Variants in CCSER1 observed in about 807,000 individuals in gnomAD.
CCSER1 encodes the protein coiled-coil serine rich protein 1.
CCSER1 carries 41 observed loss-of-function variants against 82.0 expected under a neutral mutation model. The ratio of observed to expected loss-of-function variants is 0.50; its 90% CI spans 0.39 to 0.65. The LOEUF (loss-of-function observed/expected upper bound fraction) is 0.65, where lower values mean the gene tolerates loss of function less well. Among genes scored for constraint, CCSER1 ranks in the 30% least tolerant of loss-of-function variants. CCSER1 has a pLI of 0.00. For synonymous variants in CCSER1, 414 were observed against 383.9 expected, an observed-to-expected ratio of 1.08 and a Z score of -0.92; for missense variants, 1,119 against 1,064.2, an observed-to-expected ratio of 1.05 and a Z score of -0.72.
At chr4:90,315,703 C>T (rs1736052986) in intron 3 of CCSER1, among the ~76,000 whole-genome samples, 2 of 152,044 alleles carry the variant, frequency 1.3e-5, no homozygotes, top group South Asian at 4.1e-4. Flanking sequence ...GTGGTTTCAC[C>T]ATGTTGGCCT....
At chr4:91,094,545 A>T (rs1035681070) in intron 10 of CCSER1, among the ~76,000 whole-genome samples, 3 of 152,178 alleles carry the variant, frequency 2.0e-5, no homozygotes, top group Non-Finnish European at 2.9e-5. Flanking sequence ...GGGGTGTTCC[A>T]TGGAGATTGT....
chr4:90,742,946 TA>T (rs1322041405), intron 7 of CCSER1, among the ~76,000 whole-genome samples: 2 of 152,204 alleles, frequency 1.3e-5, no homozygotes, highest in Admixed American at 6.5e-5. Context: ...TTGATTTTTT[TA>T]AGATATAAAT....
chr4:90,619,448 T>TA lies in CCSER1; in HGVS notation c.1725-8569dup, dbSNP rs569794064. Among the ~76,000 whole-genome samples the TA allele has an allele frequency of 1.2e-3, 181 of 152,024 alleles. No individual in the cohort carries two copies. In the Middle Eastern group the frequency reaches 0.014, roughly 11 times the overall value. ...GGGCTAAGGAGAAATAATTTTAGAT[T>TA]AAAAAAAATTTGTTTGATACCTCTT... On this transcript the variant is annotated intron_variant, in intron 5 of 10. Transcript: ENST00000509176.
At chr4:90,436,010 CTTGT>C (rs1381372282) in intron 4 of CCSER1, among the ~76,000 whole-genome samples, 2 of 151,836 alleles carry the variant, frequency 1.3e-5, no homozygotes, top group Non-Finnish European at 2.9e-5. Context: ...ATGTTCCCAA[CTTGT>C]TTAAGTCAAA....
chr4:91,405,729 C>T (rs1422725164), intron 10 of CCSER1, among the ~76,000 whole-genome samples: 1 of 152,270 alleles, frequency 6.6e-6, no homozygotes, highest in Admixed American at 6.5e-5. Flanking sequence ...GTTGGAAAAG[C>T]ACAGTATTAG....
At chr4:90,465,797 T>C (rs1246199203) in intron 4 of CCSER1, among the ~76,000 whole-genome samples, 2 of 152,198 alleles carry the variant, frequency 1.3e-5, no homozygotes, top group Non-Finnish European at 2.9e-5. Flanking sequence ...TAAAGAAGTT[T>C]GTACTTTATA....
At chr4:90,872,336 CTTGCTTTTTATTATTTG>C (rs1360433760) in intron 8 of CCSER1, among the ~76,000 whole-genome samples, 5 of 151,486 alleles carry the variant, frequency 3.3e-5, no homozygotes, top group Non-Finnish European at 7.4e-5. Flanking sequence ...GATTACATTT[CTTGCTTTTTATTATTTG>C]TGTATCGATT....
chr4:91,280,399 G>C (rs1377891759), intron 10 of CCSER1, among the ~76,000 whole-genome samples: 1 of 152,162 alleles, frequency 6.6e-6, no homozygotes, highest in Admixed American at 6.5e-5. Context: ...TGATTGCAGT[G>C]GACTGGATGG....
intron 3 of CCSER1, among the ~76,000 whole-genome samples, chr4:90,381,750 A>G (rs1308246457): frequency 6.6e-6 from 1 of 152,116 alleles, no homozygotes; most frequent in African/African-American, 2.4e-5. Flanking sequence ...CAGAGGAAAA[A>G]ATGATTTACA....
At chr4:90,769,489 C>G (rs1751756496) in intron 7 of CCSER1, among the ~76,000 whole-genome samples, 1 of 152,144 alleles carries the variant, frequency 6.6e-6, no homozygotes, top group African/African-American at 2.4e-5. Context: ...AGTCTTTTGA[C>G]CTTATTAAGT....
At chr4:90,296,004 TA>T (rs199994905) in intron 1 of CCSER1, among the ~76,000 whole-genome samples, 17 of 151,144 alleles carry the variant, frequency 1.1e-4, no homozygotes, top group South Asian at 1.1e-3. Flanking sequence ...GATATAATTA[TA>T]AAAAAAAACA....
At chr4:90,235,435 C>CT (rs1339150808) in intron 1 of CCSER1, 17 of 152,314 alleles carry the variant, frequency 1.1e-4, no homozygotes, top group Admixed American at 3.3e-4. Context: ...TCTGAGATTT[C>CT]TTTTCCCATA....
At chr4:90,452,226 G>T (rs74371027) in intron 4 of CCSER1, among the ~76,000 whole-genome samples, 1 of 152,060 alleles carries the variant, frequency 6.6e-6, no homozygotes, top group South Asian at 2.1e-4. Context: ...GGTCCTCTCC[G>T]GCTGCATAGG....
chr4:91,059,476 A>ATAG, intron 9 of CCSER1, among the ~76,000 whole-genome samples: 1 of 110,114 alleles, frequency 9.1e-6, no homozygotes, highest in East Asian at 3.6e-4. Context: ...TATATATATA[A>ATAG]GTCTCCAAAA....
At chr4:91,299,221 A>T (rs1179920521) in intron 10 of CCSER1, among the ~76,000 whole-genome samples, 1 of 152,016 alleles carries the variant, frequency 6.6e-6, no homozygotes, top group African/African-American at 2.4e-5. Flanking sequence ...AAATTTGATG[A>T]GATTACACTG....
At chr4:91,139,347 C>T (rs186089620) in intron 10 of CCSER1, among the ~76,000 whole-genome samples, 12 of 152,044 alleles carry the variant, frequency 7.9e-5, no homozygotes, top group South Asian at 2.1e-4. Context: ...TACCACTTAT[C>T]GTCTATTTTG....
intron 1 of CCSER1, among the ~76,000 whole-genome samples, chr4:90,221,647 A>G (rs1359795436): frequency 6.6e-6 from 1 of 152,180 alleles, no homozygotes; most frequent in East Asian, 1.9e-4. Flanking sequence ...TTAAAAATAT[A>G]TATTTATTCT....
chr4:91,452,115 T>C (rs983838674), intron 10 of CCSER1, among the ~76,000 whole-genome samples: 1 of 151,992 alleles, frequency 6.6e-6, no homozygotes, highest in Non-Finnish European at 1.5e-5. Flanking sequence ...TCCTGGAAAG[T>C]AACTTCTATG....
chr4:90,835,391 G>A (rs1761682141), intron 8 of CCSER1, among the ~76,000 whole-genome samples: 1 of 152,100 alleles, frequency 6.6e-6, no homozygotes, highest in South Asian at 2.1e-4. Context: ...CCAAACTAAT[G>A]TAATTGCTTA....
Sources: gnomAD v4.1 joint callset for allele counts (sites outside exome capture counted in the v4.1 genomes callset) on GRCh38, gnomAD v4.1.1 for gene constraint, MANE v1.5 for transcripts, NCBI Gene and HGNC (gene_info 2026-07-23, HGNC 2026-07-21) for gene names.